Variants in UNC13C observed in about 807,000 individuals in gnomAD.
The protein encoded by UNC13C is protein unc-13 homolog C.
A neutral mutation model predicts 245.4 loss-of-function variants in UNC13C; 174 were observed. That is an observed-to-expected ratio of 0.71 (90% confidence interval 0.63 to 0.80). The LOEUF (loss-of-function observed/expected upper bound fraction) is 0.80. UNC13C is among the 30% of genes least tolerant of loss of function. The pLI is 0.00. For synonymous variants in UNC13C, 992 were observed against 895.1 expected (o/e 1.11, Z -1.93); for missense variants, 2,829 against 2,602.9 (o/e 1.09, Z -1.89).
At chr15:54,001,936 A>C (rs1894908215) in intron 1 of UNC13C, among the ~76,000 whole-genome samples, 2 of 152,180 alleles carry the variant, frequency 1.3e-5, no homozygotes, top group South Asian at 4.1e-4. Context: ...CCGTGATTTA[A>C]CTGATGTTAT....
chr15:54,048,539 T>C, intron 2 of UNC13C: 1 of 524,180 alleles, frequency 1.9e-6, no homozygotes, highest in East Asian at 4.3e-5. Context: ...TTTTTGACTC[T>C]TTAAATGGAA....
rs2141099213 is a variant in UNC13C at position 54,500,875 on chromosome 15, T to C, written c.5198T>C (p.Val1733Ala). The change falls in exon 22 of 33, where the codon GTG becomes GCG. Residue 1733 changes from valine to alanine, a missense_variant. Physicochemically the swap from Val to Ala is moderately conservative, Grantham distance 64. Transcript: ENST00000260323. Reference sequence around the variant, plus strand: ...GAGCATGCTCTCTTTTCTTGCTCCGTGGTTGATGTCTTTGCTCAGCTGAAT... The same window carrying C: ...GAGCATGCTCTCTTTTCTTGCTCCGCGGTTGATGTCTTTGCTCAGCTGAAT... ...TSEHALFSCS[V>A]VDVFAQLNQS... 1 of 1,613,014 alleles carries C rather than the reference T, an allele frequency of 6.2e-7. No individual in the cohort carries two copies. Among genetic ancestry groups the C allele is most frequent in the Non-Finnish European group, 8.5e-7 (1 of 1,179,284 alleles).
At chr15:54,121,740 G>C (rs2030681307) in intron 2 of UNC13C, among the ~76,000 whole-genome samples, 1 of 151,760 alleles carries the variant, frequency 6.6e-6, no homozygotes, top group African/African-American at 2.4e-5. Flanking sequence ...TTAATTTTTA[G>C]AAGACTGTAT....
At chr15:54,473,516 C>A (rs1892568851) in intron 19 of UNC13C, among the ~76,000 whole-genome samples, 1 of 151,686 alleles carries the variant, frequency 6.6e-6, no homozygotes, top group South Asian at 2.1e-4. Flanking sequence ...TCTCCTCTAC[C>A]CTTCTCAGCC....
At chr15:53,934,053 C>G in the UNC13C span, among the ~76,000 whole-genome samples, 1 of 152,148 alleles carries the variant, frequency 6.6e-6, no homozygotes, top group African/African-American at 2.4e-5. Context: ...AAAATCATGG[C>G]AAAGGCAAAA....
chr15:54,203,279 A>T (rs2034579745), intron 4 of UNC13C, among the ~76,000 whole-genome samples: 1 of 151,776 alleles, frequency 6.6e-6, no homozygotes, highest in African/African-American at 2.4e-5. Flanking sequence ...AGACTCCTTA[A>T]AGAACTAAAA....
chr15:54,187,315 C>T (rs926699741), intron 4 of UNC13C, among the ~76,000 whole-genome samples: 1 of 152,114 alleles, frequency 6.6e-6, no homozygotes, highest in Non-Finnish European at 1.5e-5. Context: ...AGAAGATGTT[C>T]TCCATACCAT....
intron 2 of UNC13C, among the ~76,000 whole-genome samples, chr15:54,075,119 A>C (rs969998987): frequency 6.6e-6 from 1 of 152,134 alleles, no homozygotes; most frequent in Non-Finnish European, 1.5e-5. Flanking sequence ...AAAGAATAAT[A>C]ACACAGTCAA....
chr15:54,014,436 C>T lies in UNC13C; in HGVS notation c.1533C>T (p.Ser511=). ...ATAAATCAGATTATGATAAAATCTC[C>T]TCACAGTTGCCAGAATCAGATATCT... The part of the protein sequence containing the change: ...ISNKSDYDKI[S]SQLPESDILE... Residue 511 remains serine (S), a synonymous_variant, in exon 2 of 33, where the codon TCC becomes TCT. Transcript: ENST00000260323. 6.2e-7 allele frequency: 1 copy of T among 1,613,766 alleles called. No homozygotes were observed. Among genetic ancestry groups the T allele is most frequent in the Non-Finnish European group, 8.5e-7 (1 of 1,179,812 alleles).
intron 8 of UNC13C, among the ~76,000 whole-genome samples, chr15:54,258,685 A>T (rs889030805): frequency 6.6e-6 from 1 of 152,136 alleles, no homozygotes; most frequent in African/African-American, 2.4e-5. Flanking sequence ...TCTTTAATAA[A>T]TACCTATATC....
chr15:53,871,815 A>G, the UNC13C span, among the ~76,000 whole-genome samples: 95,041 of 152,074 alleles, frequency 0.62, 29,738 homozygotes, highest in East Asian at 0.68. Context: ...CTCCAACATC[A>G]AGCCTGACGC....
intron 19 of UNC13C, among the ~76,000 whole-genome samples, chr15:54,436,684 G>A (rs542545843): frequency 2.0e-5 from 3 of 151,986 alleles, no homozygotes; most frequent in Non-Finnish European, 2.9e-5. Context: ...TCAAGGGGAA[G>A]AAGAGCCTTA....
the UNC13C span, among the ~76,000 whole-genome samples, chr15:53,900,511 C>T: frequency 6.6e-6 from 1 of 152,070 alleles, no homozygotes. Flanking sequence ...TGACAAATAG[C>T]GACTGCTGTT....
At chr15:54,408,332 G>A (rs1567246551) in intron 18 of UNC13C, among the ~76,000 whole-genome samples, 1 of 149,116 alleles carries the variant, frequency 6.7e-6, no homozygotes, top group Non-Finnish European at 1.5e-5. Context: ...TAAAATGAAC[G>A]TTATTAAATT....
the UNC13C span, among the ~76,000 whole-genome samples, chr15:53,958,280 C>T: frequency 5.9e-5 from 9 of 152,274 alleles, no homozygotes; most frequent in South Asian, 2.1e-4. Flanking sequence ...TCCCTTCTCC[C>T]GAAAACCATT....
chr15:54,301,433 C>T (rs1178360167), intron 13 of UNC13C, among the ~76,000 whole-genome samples: 1 of 152,040 alleles, frequency 6.6e-6, no homozygotes, highest in African/African-American at 2.4e-5. Context: ...TGCTATCCCT[C>T]CCTTAGCCGT....
In UNC13C at chr15:54,567,927, T is replaced by C. The variant is rs567479016; in HGVS notation, c.6086T>C (p.Ile2029Thr). The change falls in exon 30 of 33, where the codon ATA becomes ACA. Residue 2029 changes from isoleucine (I) to threonine (T), a missense_variant. Physicochemically the swap from Ile to Thr is moderately conservative, Grantham distance 89. Transcript: ENST00000260323. ...QTTDALIKKF[I>T]DTQTSQSRSS... ...ACTGATGCCTTGATAAAGAAATTCA[T>C]AGATACTCAAACCTCACAGAGTAAG... 3.7e-5 allele frequency: 59 copies of C among 1,577,980 alleles called. No homozygotes were observed. Among genetic ancestry groups the C allele is most frequent in the Admixed American group, 5.4e-5 (3 of 55,586 alleles).
chr15:54,121,736 T>A (rs1300836942), intron 2 of UNC13C, among the ~76,000 whole-genome samples: 1 of 152,062 alleles, frequency 6.6e-6, no homozygotes, highest in Non-Finnish European at 1.5e-5. Context: ...TATATTAATT[T>A]TTAGAAGACT....
chr15:54,565,876 G>A (rs1430730476), intron 29 of UNC13C, among the ~76,000 whole-genome samples: 1 of 151,906 alleles, frequency 6.6e-6, no homozygotes, highest in African/African-American at 2.4e-5. Flanking sequence ...AATCTTTTCT[G>A]CTCCTTTTTC....
Sources: allele counts gnomAD v4.1 joint callset (sites outside exome capture counted in the v4.1 genomes callset), GRCh38; gene constraint gnomAD v4.1.1; transcripts MANE v1.5; gene names NCBI Gene and HGNC (gene_info 2026-07-23, HGNC 2026-07-21).